The following NCAM2 variants were observed in gnomAD, a reference collection of about 807,000 sequenced individuals.
The protein encoded by NCAM2 is N-CAM-2.
In NCAM2, 30 loss-of-function variants were observed where a neutral mutation model predicts 98.1. The ratio of observed to expected loss-of-function variants is 0.31; its 90% CI spans 0.23 to 0.41. NCAM2 has a LOEUF of 0.41. NCAM2 is among the 10% of genes least tolerant of loss of function. The pLI, the probability that NCAM2 is intolerant of heterozygous loss-of-function variation, is 1.00. For synonymous variants in NCAM2, 368 were observed against 342.4 expected (o/e 1.07, Z -0.83); for missense variants, 867 against 1,005.8 (o/e 0.86, Z 1.87).
chr21:21,481,527 T>A (rs1239044901), intron 15 of NCAM2, among the ~76,000 whole-genome samples: 4 of 152,040 alleles, frequency 2.6e-5, no homozygotes, highest in South Asian at 2.1e-4. Context: ...GTATGTGAGG[T>A]TAGGGAGTTT....
chr21:21,094,840 A>C (rs1364609055), intron 1 of NCAM2, among the ~76,000 whole-genome samples: 2 of 151,778 alleles, frequency 1.3e-5, no homozygotes, highest in Non-Finnish European at 3.0e-5. Context: ...TGAATTAAAC[A>C]TTTCTAATTG....
chr21:21,438,447 A>G (rs232407), intron 12 of NCAM2, among the ~76,000 whole-genome samples: 55,436 of 151,980 alleles, frequency 0.36, 10,223 homozygotes, highest in South Asian at 0.48. Context: ...TTCTTTTTGA[A>G]GGTTTAGCTG....
chr21:21,037,632 C>G (rs1316017577), intron 1 of NCAM2, among the ~76,000 whole-genome samples: 1 of 152,124 alleles, frequency 6.6e-6, no homozygotes, highest in Non-Finnish European at 1.5e-5. Context: ...TTCTAATTTT[C>G]AGCCTAATTG....
At chr21:21,446,820 A>G (rs961732954) in intron 12 of NCAM2, among the ~76,000 whole-genome samples, 7 of 152,234 alleles carry the variant, frequency 4.6e-5, no homozygotes, top group Admixed American at 2.6e-4. Flanking sequence ...AAGAGAATAA[A>G]ATGCCTAGGA....
At position 21,529,886 on chromosome 21, in the gene NCAM2, G is replaced by A. The variant is rs1989529223; in HGVS notation, c.2283-4651G>A. Among the ~76,000 whole-genome samples the A allele has an allele frequency of 6.0e-5, 9 of 150,444 alleles. No individual in the cohort carries two copies. The Admixed American group carries it at 6.0e-4, about 10-fold the overall frequency. ...ATAATATCACCTTTTATGATAGACT[G>A]GATGACATTTGACAGGGGCAGAATG... On this transcript the variant is annotated intron_variant, in intron 16 of 17. Coordinates refer to ENST00000400546, the MANE Select transcript of NCAM2 (RefSeq NM_004540.5).
chr21:21,075,570 A>G (rs930631447), intron 1 of NCAM2, among the ~76,000 whole-genome samples: 1 of 152,158 alleles, frequency 6.6e-6, no homozygotes, highest in African/African-American at 2.4e-5. Flanking sequence ...ATATTTCACC[A>G]TTAATTATGT....
At chr21:21,094,160 G>C (rs2066070355) in intron 1 of NCAM2, among the ~76,000 whole-genome samples, 1 of 151,706 alleles carries the variant, frequency 6.6e-6, no homozygotes, top group South Asian at 2.1e-4. Flanking sequence ...ATACCAGGCT[G>C]TACATGCTGA....
chr21:21,053,587 T>C (rs1025981141), intron 1 of NCAM2, among the ~76,000 whole-genome samples: 4 of 151,192 alleles, frequency 2.6e-5, no homozygotes, highest in African/African-American at 7.3e-5. Flanking sequence ...ATATATATTA[T>C]AATATTATTT....
chr21:21,113,421 A>C (rs762755407), intron 1 of NCAM2, among the ~76,000 whole-genome samples: 1 of 151,958 alleles, frequency 6.6e-6, no homozygotes, highest in South Asian at 2.1e-4. Flanking sequence ...ACGGTGCACT[A>C]TTGGACAAAA....
In NCAM2 at chr21:21,067,945, T is replaced by C. The variant is rs76332522; in HGVS notation, c.55+69327T>C. Among the ~76,000 whole-genome samples the C allele has an allele frequency of 4.8e-3, 724 of 152,104 alleles. 5 individuals are homozygous for C. Among genetic ancestry groups the C allele is most frequent in the East Asian group, 0.04 (204 of 5,162 alleles). The stretch of plus-strand genomic sequence containing the variant: ...GTCAGGATACATTAAAAAAACTGAA[T>C]TTCTTGTCTTCTTGTCTTCCAAAAA... On this transcript the variant is annotated intron_variant, in intron 1 of 17. Coordinates refer to ENST00000400546, the MANE Select transcript of NCAM2 (RefSeq NM_004540.5).
intron 12 of NCAM2, among the ~76,000 whole-genome samples, chr21:21,442,953 C>T (rs976694968): frequency 2.0e-5 from 3 of 152,168 alleles, no homozygotes; most frequent in African/African-American, 7.2e-5. Context: ...GCCCCTCCTA[C>T]AAACACTGGA....
At chr21:21,514,271 T>C (rs1395643342) in intron 16 of NCAM2, among the ~76,000 whole-genome samples, 1 of 150,838 alleles carries the variant, frequency 6.6e-6, no homozygotes, top group Non-Finnish European at 1.5e-5. Flanking sequence ...AGGTCAGGAG[T>C]TCGAAACCAG....
chr21:21,345,010 C>A (rs2075148349), intron 8 of NCAM2, among the ~76,000 whole-genome samples: 1 of 152,154 alleles, frequency 6.6e-6, no homozygotes, highest in Non-Finnish European at 1.5e-5. Context: ...TTTCCCCGAA[C>A]TTGTCCAAGA....
chr21:21,313,679 C>A (rs2074127607), intron 5 of NCAM2, among the ~76,000 whole-genome samples: 1 of 151,776 alleles, frequency 6.6e-6, no homozygotes, highest in Admixed American at 6.6e-5. Flanking sequence ...GAAATTAAGC[C>A]ATTTACACTT....
chr21:21,129,935 T>A (rs1364245059), intron 1 of NCAM2, among the ~76,000 whole-genome samples: 1 of 152,182 alleles, frequency 6.6e-6, no homozygotes, highest in African/African-American at 2.4e-5. Context: ...TGAATAAGAA[T>A]ACATTATTTT....
chr21:21,374,005 A>G lies in NCAM2; in HGVS notation c.1187A>G (p.Asp396Gly), dbSNP rs1387093849. The G allele has an allele frequency of 6.2e-7, 1 of 1,604,046 alleles. No homozygotes were observed. Among genetic ancestry groups the G allele is most frequent in the African/African-American group, 1.3e-5 (1 of 74,326 alleles). ...GGGCATCAAAAGAGCATGTACCTTG[A>G]TATTGAATGTAAGTTACTTTCCTTT... is the stretch of plus-strand genomic sequence containing the variant. Reference protein sequence around the residue: ...IGGHQKSMYLDIEYAPKFISN... With the variant: ...IGGHQKSMYLGIEYAPKFISN... Residue 396 changes from aspartate (D) to glycine (G), a missense_variant, in exon 9 of 18, where the codon GAT becomes GGT. Asp to Gly is a moderately conservative substitution (Grantham distance 94, BLOSUM62 -1). Around this residue, in one of 5 missense-constraint regions of NCAM2, gnomAD observed 447 missense variants for 495.7 expected, o/e 0.90. Coordinates refer to ENST00000400546, the MANE Select transcript of NCAM2 (RefSeq NM_004540.5).
chr21:21,352,081 T>C (rs1282134572), intron 8 of NCAM2, among the ~76,000 whole-genome samples: 3 of 152,042 alleles, frequency 2.0e-5, no homozygotes, highest in Non-Finnish European at 4.4e-5. Context: ...TTCCTTGTTT[T>C]TTTGAGAAAG....
chr21:21,080,653 T>A (rs2065774962), intron 1 of NCAM2, among the ~76,000 whole-genome samples: 2 of 7,664 alleles, frequency 2.6e-4, no homozygotes, highest in Non-Finnish European at 6.4e-4. Flanking sequence ...ATTGATAAGA[T>A]CTCAAAAAAA....
chr21:21,342,965 G>A (rs1263724755), intron 8 of NCAM2, among the ~76,000 whole-genome samples: 1 of 152,146 alleles, frequency 6.6e-6, no homozygotes, highest in Non-Finnish European at 1.5e-5. Context: ...CTCTCACTCT[G>A]CATAGTGCAT....
Sources: allele counts gnomAD v4.1 joint callset (sites outside exome capture counted in the v4.1 genomes callset), GRCh38; gene constraint gnomAD v4.1.1; regional missense constraint gnomAD v4.1.1; transcripts MANE v1.5; gene names NCBI Gene and HGNC (gene_info 2026-07-23, HGNC 2026-07-21).